EVC: variants seen among roughly 807,000 people sequenced by gnomAD.
EVC encodes the protein evC complex member EVC.
In EVC, 116 loss-of-function variants were observed where a neutral mutation model predicts 118.9. The ratio of observed to expected loss-of-function variants is 0.98; its 90% CI spans 0.84 to 1.14. The LOEUF (loss-of-function observed/expected upper bound fraction) is 1.14, where lower values mean the gene tolerates loss of function less well. Ranked by LOEUF, EVC falls within the 50% of genes most tolerant of loss-of-function variation. The pLI is 0.00. For missense variants in EVC, 1,401 were observed against 1,246.4 expected, an observed-to-expected ratio of 1.12 and a Z score of -1.87; for synonymous variants, 619 against 534.7, an observed-to-expected ratio of 1.16 and a Z score of -2.18.
chr4:5,751,826 G>A (rs1730413906), intron 8 of EVC, among the ~76,000 whole-genome samples: 2 of 152,170 alleles, frequency 1.3e-5, no homozygotes. Context: ...GGGAGTGAGA[G>A]GAGGCAGTGA....
chr4:5,773,089 TG>T (rs1369103573), intron 11 of EVC, among the ~76,000 whole-genome samples: 1 of 152,218 alleles, frequency 6.6e-6, no homozygotes, highest in Non-Finnish European at 1.5e-5. Flanking sequence ...GCAGTGTCCC[TG>T]GCACAGGGCC....
At chr4:5,767,461 A>T (rs982896667) in intron 11 of EVC, among the ~76,000 whole-genome samples, 1 of 150,852 alleles carries the variant, frequency 6.6e-6, no homozygotes, top group African/African-American at 2.4e-5. Flanking sequence ...TTGTTTACCT[A>T]AGGAAGCCTG....
At chr4:5,780,181 A>T in intron 11 of EVC, among the ~76,000 whole-genome samples, 1 of 152,234 alleles carries the variant, frequency 6.6e-6, no homozygotes, top group East Asian at 1.9e-4. Flanking sequence ...CTTGCATCCC[A>T]GGCATGAAGC....
intron 11 of EVC, among the ~76,000 whole-genome samples, chr4:5,771,022 A>G (rs1733866226): frequency 6.7e-6 from 1 of 149,460 alleles, no homozygotes; most frequent in South Asian, 2.1e-4. Context: ...AAAAAAAAAA[A>G]GAAAAGAAAA....
chr4:5,796,487 T>C (rs922156695), intron 13 of EVC, among the ~76,000 whole-genome samples: 3 of 152,132 alleles, frequency 2.0e-5, no homozygotes, highest in African/African-American at 7.2e-5. Flanking sequence ...TAGCTGATTC[T>C]GAATTAGGTC....
At position 5,811,149 on chromosome 4, in the gene EVC, T is replaced by C. The variant is rs1402524790; in HGVS notation, c.*112T>C. On this transcript the variant is annotated 3_prime_UTR_variant, in exon 21 of 21. Coordinates refer to ENST00000264956, the MANE Select transcript of EVC (RefSeq NM_153717.3). ...AGGACGGAGAGGACAGCGGCATCTCTAGGCTCTTCTGAGAGGGACAGAGAA... is the reference window on the plus strand; with the variant it reads ...AGGACGGAGAGGACAGCGGCATCTCCAGGCTCTTCTGAGAGGGACAGAGAA... 3.7e-6 allele frequency: 3 copies of C among 819,700 alleles called. No individual in the cohort carries two copies. The highest frequency in any genetic ancestry group is 2.9e-5 in the South Asian group (2 of 68,436). The allele number at this position is 819,700 out of a possible 1,614,324, so 50.8% of individuals were successfully genotyped here. A position where few individuals can be genotyped will look rare whatever the true frequency, so the allele number is the denominator to read the frequency against.
chr4:5,794,536 G>A (rs1216589947), intron 13 of EVC, among the ~76,000 whole-genome samples: 2 of 150,750 alleles, frequency 1.3e-5, no homozygotes, highest in African/African-American at 2.4e-5. Flanking sequence ...TCAGCCTCCC[G>A]AGTAGCTGGG....
chr4:5,827,980 G>A, the EVC span: 31 of 944,820 alleles, frequency 3.3e-5, no homozygotes, highest in African/African-American at 4.8e-4. Flanking sequence ...AATAAGGAAC[G>A]ACAGGGCAGA....
In EVC at chr4:5,735,561, C is replaced by T. The variant is rs368016804; in HGVS notation, c.702+2126C>T. The stretch of plus-strand genomic sequence containing the variant: ...CTCCATATCACAGCTGTGTGGCTGG[C>T]ATGGTCACAGCAGTGATTATTCTGC... On this transcript the variant is annotated intron_variant, in intron 5 of 20. Transcript: ENST00000264956. Among the ~76,000 whole-genome samples the T allele has an allele frequency of 3.5e-4, 53 of 152,292 alleles. No homozygotes were observed. In the South Asian group the frequency reaches 4.1e-3, roughly 12 times the overall value.
intron 13 of EVC, among the ~76,000 whole-genome samples, chr4:5,794,121 A>G (rs1713311024): frequency 6.6e-6 from 1 of 151,234 alleles, no homozygotes; most frequent in South Asian, 2.1e-4. Context: ...CCAATTTATT[A>G]TCAGTTTTTA....
Position 5,731,847 on chromosome 4 carries a change from CTG to C in EVC, c.617+191_617+192del, listed in dbSNP as rs955708052. 1.3e-5 allele frequency among the ~76,000 whole-genome samples: 2 copies of C among 152,162 alleles called. No homozygotes were observed. Among genetic ancestry groups the C allele is most frequent in the African/African-American group, 4.8e-5 (2 of 41,440 alleles). On this transcript the variant is annotated intron_variant, in intron 4 of 20. Transcript: ENST00000264956. This position sits in a 1 kb window ranked among gnomAD's most constrained non-coding sequence, Gnocchi z 5.6. ...ACTTCCTGTGCTGTATTGCCCAACACTGGGGTTATGGAGTCAGGCCTGAGCCC... is the reference window on the plus strand; with the variant it reads ...ACTTCCTGTGCTGTATTGCCCAACACGGGTTATGGAGTCAGGCCTGAGCCC...
intron 17 of EVC, 44 bp from the exon 18 acceptor site, chr4:5,808,130 TCTCCCTCCCTCCCTCCCTCCCTCCCTC>T: frequency 7.3e-5 from 23 of 314,826 alleles, no homozygotes; most frequent in Non-Finnish European, 4.1e-5. Flanking sequence ...CTGCCTTCCT[TCTCCCTCCCTCCCTCCCTCCCTCCCTC>T]CCTTCCTTCC....
intron 6 of EVC, 47 bp downstream of exon 6, chr4:5,741,861 A>T: frequency 9.7e-7 from 1 of 1,026,924 alleles, no homozygotes; most frequent in Admixed American, 2.0e-5. Context: ...ATAGTTTATT[A>T]TAATATATAC....
rs1448746006 is a variant in EVC, at chr4:5,802,010, C to T, written c.2365C>T (p.Leu789=). 6 of 1,614,100 alleles carry T rather than the reference C, an allele frequency of 3.7e-6. No homozygotes were observed. Among genetic ancestry groups the T allele is most frequent in the Non-Finnish European group, 5.1e-6 (6 of 1,180,052 alleles). ...VYVTSAGVSR[L]VQAYYQQIGR... is the part of the protein sequence containing the mutation. Reference sequence around the variant, plus strand: ...CGTGACCAGCGCTGGTGTCAGCCGCCTGGTGCAGGCGTATTACCAGCAAAT... The same window carrying T: ...CGTGACCAGCGCTGGTGTCAGCCGCTTGGTGCAGGCGTATTACCAGCAAAT... The change falls in exon 16 of 21, where the codon CTG becomes TTG. Residue 789 remains leucine (L), a synonymous_variant. Coordinates refer to ENST00000264956, the MANE Select transcript of EVC (RefSeq NM_153717.3).
Position 5,723,468 on chromosome 4 carries a change from T to C in EVC, c.300+4095T>C, listed in dbSNP as rs190115343. 8.9e-3 allele frequency among the ~76,000 whole-genome samples: 1,353 copies of C among 152,182 alleles called. 8 individuals carry two copies. The highest frequency in any genetic ancestry group is 0.015 in the Admixed American group (236 of 15,286). On this transcript the variant is annotated intron_variant, in intron 2 of 20. Transcript: ENST00000264956. ...CCTCCCAAAGTGCTGGGATTACAGG[T>C]GTGAGCCACCGCGCCTGGTCCTTTC...
At chr4:5,814,989 G>C (rs1301796390), downstream of EVC, among the ~76,000 whole-genome samples, 3 of 152,056 alleles carry the variant, frequency 2.0e-5, no homozygotes, top group Non-Finnish European at 4.4e-5. Flanking sequence ...ATACACAGAG[G>C]TGTACAGTGA....
chr4:5,749,455 G>A lies in EVC; in HGVS notation c.1098+1149G>A, dbSNP rs558576987. 1.4e-4 allele frequency among the ~76,000 whole-genome samples: 21 copies of A among 152,116 alleles called. No homozygotes were observed. The highest frequency in any genetic ancestry group is 2.1e-4 in the South Asian group (1 of 4,808). The stretch of plus-strand genomic sequence containing the variant: ...GGACACCCGTGGGAGAGAAATCTGC[G>A]AATCCAGCTTTGACTCTGGGCTCTG... On this transcript the variant is annotated intron_variant, in intron 8 of 20. Coordinates refer to ENST00000264956, the MANE Select transcript of EVC (RefSeq NM_153717.3). This position sits in a 1 kb window ranked among gnomAD's most constrained non-coding sequence, Gnocchi z 4.4.
intron 11 of EVC, chr4:5,758,324 C>G: frequency 1.9e-6 from 1 of 540,238 alleles, no homozygotes; most frequent in South Asian, 2.6e-5. Context: ...CAGTTTGCGG[C>G]GCTTTGTCAT....
At chr4:5,794,592 G>A (rs1212141215) in intron 13 of EVC, among the ~76,000 whole-genome samples, 3 of 151,066 alleles carry the variant, frequency 2.0e-5, no homozygotes, top group Non-Finnish European at 4.4e-5. Context: ...TGTATTTTTT[G>A]TAGAGATGGG....
Sources: gnomAD v4.1 joint callset for allele counts (sites outside exome capture counted in the v4.1 genomes callset) on GRCh38, gnomAD v4.1.1 for gene constraint, Gnocchi (gnomAD v3.1) non-coding constraint, MANE v1.5 for transcripts, NCBI Gene and HGNC (gene_info 2026-07-23, HGNC 2026-07-21) for gene names.